Variants in ANO2 observed in about 807,000 individuals in gnomAD.
ANO2 encodes anoctamin-2.
A neutral mutation model predicts 124.2 loss-of-function variants in ANO2; 101 were observed. The ratio of observed to expected loss-of-function variants is 0.81; its 90% CI spans 0.69 to 0.96. The LOEUF (loss-of-function observed/expected upper bound fraction) is 0.96, where lower values mean the gene tolerates loss of function less well. Among genes scored for constraint, ANO2 ranks in the 40% least tolerant of loss-of-function variants. ANO2 has a pLI of 0.00. For synonymous variants in ANO2, 486 were observed against 482.5 expected (o/e 1.01, Z -0.09); for missense variants, 1,293 against 1,274.5 (o/e 1.01, Z -0.22).
At chr12:5,849,149 A>T (rs1174786249) in intron 4 of ANO2, among the ~76,000 whole-genome samples, 1 of 152,200 alleles carries the variant, frequency 6.6e-6, no homozygotes, top group Non-Finnish European at 1.5e-5. Context: ...CTTCAATATC[A>T]GTCACTCTAT....
chr12:5,843,687 C>T (rs184736745), intron 4 of ANO2, among the ~76,000 whole-genome samples: 28 of 152,266 alleles, frequency 1.8e-4, no homozygotes, highest in African/African-American at 5.5e-4. Flanking sequence ...GAGGAGGGAA[C>T]GCGGGGCAAT....
intron 4 of ANO2, among the ~76,000 whole-genome samples, chr12:5,850,935 T>C (rs541839504): frequency 3.9e-5 from 6 of 152,148 alleles, no homozygotes; most frequent in Non-Finnish European, 7.4e-5. Context: ...AAAAACCTTC[T>C]AAGAAAAATA....
intron 14 of ANO2, among the ~76,000 whole-genome samples, chr12:5,680,630 AG>A (rs1372290825): frequency 6.6e-6 from 1 of 152,222 alleles, no homozygotes; most frequent in Admixed American, 6.5e-5. Flanking sequence ...TGCATTATAA[AG>A]TAGTGAATTC....
At chr12:5,842,402 C>A (rs115983536) in intron 4 of ANO2, among the ~76,000 whole-genome samples, 9 of 152,254 alleles carry the variant, frequency 5.9e-5, no homozygotes, top group African/African-American at 1.4e-4. Flanking sequence ...CTGAAGGAGT[C>A]CTTTAGCAAA....
chr12:5,690,345 A>T (rs547097036), intron 14 of ANO2, among the ~76,000 whole-genome samples: 15 of 152,330 alleles, frequency 9.8e-5, no homozygotes, highest in Middle Eastern at 3.4e-3. Context: ...CTCTTAAAAA[A>T]ACAAAGCCAA....
At chr12:5,579,161 G>A (rs1246867777) in intron 20 of ANO2, among the ~76,000 whole-genome samples, 2 of 152,200 alleles carry the variant, frequency 1.3e-5, no homozygotes, top group Admixed American at 6.5e-5. Flanking sequence ...TTTATGGAGA[G>A]CATTTATAAA....
intron 14 of ANO2, among the ~76,000 whole-genome samples, chr12:5,708,818 T>C (rs994158762): frequency 6.6e-6 from 1 of 152,348 alleles, no homozygotes; most frequent in African/African-American, 2.4e-5. Flanking sequence ...CTTAGTTAAA[T>C]GTCAGTTCAT....
chr12:5,744,972 GA>G lies in ANO2; in HGVS notation c.1191-656del, dbSNP rs1371622665. ...TATAACCATGAAATAAGATTAGGGAGAATGAAAGAGCAAGGCAAATTCTTCC... is the reference window on the plus strand; with the variant it reads ...TATAACCATGAAATAAGATTAGGGAGATGAAAGAGCAAGGCAAATTCTTCC... On this transcript the variant is annotated intron_variant, in intron 11 of 24. Coordinates refer to ENST00000682330, the MANE Select transcript of ANO2 (RefSeq NM_001364791.2). Among the ~76,000 whole-genome samples, 15 of 152,340 alleles carry G rather than the reference GA, an allele frequency of 9.8e-5. No homozygotes were observed. In the East Asian group the frequency reaches 2.9e-3, roughly 29 times the overall value.
chr12:5,905,773 G>A (rs1940635443), intron 3 of ANO2, among the ~76,000 whole-genome samples: 2 of 152,270 alleles, frequency 1.3e-5, no homozygotes, highest in South Asian at 2.1e-4. Flanking sequence ...AGAAAAGAAG[G>A]AAGGGTGGAA....
intron 7 of ANO2, among the ~76,000 whole-genome samples, chr12:5,811,281 T>A (rs1055418068): frequency 3.8e-4 from 58 of 152,310 alleles, no homozygotes; most frequent in African/African-American, 1.3e-3. Flanking sequence ...AAACCAGAAC[T>A]CCCAGACGGT....
intron 14 of ANO2, among the ~76,000 whole-genome samples, chr12:5,710,230 T>G (rs1451351411): frequency 6.6e-6 from 1 of 152,232 alleles, no homozygotes; most frequent in East Asian, 1.9e-4. Context: ...AGGCCCTGGC[T>G]GCTGCAAGAG....
chr12:5,622,299 T>C (rs568277609), intron 16 of ANO2, among the ~76,000 whole-genome samples: 1 of 152,322 alleles, frequency 6.6e-6, no homozygotes, highest in East Asian at 1.9e-4. Context: ...AAATGAGTGA[T>C]TCCCTTCCTC....
rs116813160 is a variant in ANO2, at chr12:5,707,021, A to G, written c.1545+25499T>C. Reference sequence around the variant, plus strand: ...TGAATCTTGAATTGTATTTAACAATATATGATATGGTTTGTCTCTGTGTCC... The same window carrying G: ...TGAATCTTGAATTGTATTTAACAATGTATGATATGGTTTGTCTCTGTGTCC... On this transcript the variant is annotated intron_variant, in intron 14 of 24. Transcript: ENST00000682330. Among the ~76,000 whole-genome samples the G allele has an allele frequency of 9.6e-3, 1,469 of 152,298 alleles. 24 individuals are homozygous for G. The highest frequency in any genetic ancestry group is 0.033 in the African/African-American group (1,369 of 41,552).
chr12:5,706,127 T>G (rs1461861813), intron 14 of ANO2, among the ~76,000 whole-genome samples: 3 of 152,228 alleles, frequency 2.0e-5, no homozygotes, highest in Non-Finnish European at 4.4e-5. Flanking sequence ...GGCAATATTC[T>G]TTAACCTAAC....
chr12:5,720,863 T>C (rs943282629), intron 14 of ANO2, among the ~76,000 whole-genome samples: 3 of 152,322 alleles, frequency 2.0e-5, no homozygotes, highest in Non-Finnish European at 4.4e-5. Context: ...ATGTATACAG[T>C]GAGCAGAGGA....
At chr12:5,698,171 A>C (rs899137246) in intron 14 of ANO2, among the ~76,000 whole-genome samples, 1 of 152,236 alleles carries the variant, frequency 6.6e-6, no homozygotes, top group Admixed American at 6.5e-5. Flanking sequence ...CGGACTCCCG[A>C]GTAGCCTAAC....
In ANO2 at chr12:5,835,971, C is replaced by A. The variant is rs1000583575; in HGVS notation, c.634-3368G>T. Among the ~76,000 whole-genome samples the A allele has an allele frequency of 3.9e-5, 6 of 152,232 alleles. No homozygotes were observed. In the East Asian group the frequency reaches 1.2e-3, roughly 29 times the overall value. ...AGACTATGGAGTTCACCATACCATA[C>A]CCACGTGTCTTTAAATGGCATGTGT... On this transcript the variant is annotated intron_variant, in intron 4 of 24. Transcript: ENST00000682330.
chr12:5,768,044 C>A (rs557214509), intron 10 of ANO2, among the ~76,000 whole-genome samples: 1 of 152,198 alleles, frequency 6.6e-6, no homozygotes, highest in Non-Finnish European at 1.5e-5. Context: ...CTCACCCTTC[C>A]TGACCTACTA....
intron 10 of ANO2, among the ~76,000 whole-genome samples, chr12:5,758,506 G>C (rs969606236): frequency 3.9e-5 from 6 of 152,192 alleles, no homozygotes; most frequent in African/African-American, 1.4e-4. Context: ...GATTCTAGGG[G>C]AGCGGGAGGG....
Sources: gnomAD v4.1 joint callset for allele counts (sites outside exome capture counted in the v4.1 genomes callset) on GRCh38, gnomAD v4.1.1 for gene constraint, MANE v1.5 for transcripts, NCBI Gene and HGNC (gene_info 2026-07-23, HGNC 2026-07-21) for gene names.